Variants in PTCHD4 observed in about 807,000 individuals in gnomAD.
The protein encoded by PTCHD4 is patched domain containing 4.
Under a neutral mutation model 58.1 loss-of-function variants are expected in PTCHD4, and 33 were observed. The observed-to-expected ratio is 0.57, with a 90% CI of 0.43 to 0.76. PTCHD4 has a LOEUF of 0.76. Among genes scored for constraint, PTCHD4 ranks in the 30% least tolerant of loss-of-function variants. The probability of loss-of-function intolerance (pLI) is 0.00; values close to 1 mark genes in which losing one functional copy is unlikely to be tolerated. For synonymous variants in PTCHD4, 478 were observed against 409.6 expected (o/e 1.17, Z -2.02); for missense variants, 1,058 against 1,027.1 (o/e 1.03, Z -0.41).
intron 1 of PTCHD4, among the ~76,000 whole-genome samples, chr6:48,108,661 A>G (rs1194082096): frequency 6.6e-6 from 1 of 151,926 alleles, no homozygotes; most frequent in Non-Finnish European, 1.5e-5. Flanking sequence ...CTTTCCCTCC[A>G]AGTTGATTCT....
At chr6:48,109,746 A>C (rs1014402653) in intron 1 of PTCHD4, among the ~76,000 whole-genome samples, 1 of 152,068 alleles carries the variant, frequency 6.6e-6, no homozygotes, top group Non-Finnish European at 1.5e-5. Flanking sequence ...ACCACAAATA[A>C]CCAGATTTTA....
rs1293621574 is a variant in PTCHD4 at position 48,044,195 on chromosome 6, G to A, written c.417+24035C>T. Among the ~76,000 whole-genome samples the A allele has an allele frequency of 2.0e-5, 3 of 151,790 alleles. No homozygotes were observed. In the East Asian group the frequency reaches 5.8e-4, roughly 29 times the overall value. Reference sequence around the variant, plus strand: ...TGAGCAATTTTTTTGCATGAAAGAGGAAGAATCTGACATTTTCTACTCCCT... The same window carrying A: ...TGAGCAATTTTTTTGCATGAAAGAGAAAGAATCTGACATTTTCTACTCCCT... On this transcript the variant is annotated intron_variant, in intron 3 of 4. Transcript: ENST00000339488.
At position 47,878,379 on chromosome 6, in the gene PTCHD4, C is replaced by T. The variant is rs769671626; in HGVS notation, c.2456G>A (p.Arg819His). The change falls in exon 5 of 5, where the codon CGT (arginine) becomes CAT (histidine). Residue 819 changes from arginine (R) to histidine (H), a missense_variant. Coordinates refer to ENST00000339488, the MANE Select transcript of PTCHD4 (RefSeq NM_001384253.1). ...TTCCTCTCTCTCCTTTCGCTTGGCACGTTTCTTTTTCTTGTGGTGCTTTTT... is the reference window on the plus strand; with the variant it reads ...TTCCTCTCTCTCCTTTCGCTTGGCATGTTTCTTTTTCTTGTGGTGCTTTTT... Reference protein sequence around the residue: ...PSKKHHKKKKRAKRKEREEIE... With the variant: ...PSKKHHKKKKHAKRKEREEIE... The T allele has an allele frequency of 5.0e-6, 8 of 1,612,414 alleles. No homozygotes were observed. Among genetic ancestry groups the T allele is most frequent in the Non-Finnish European group, 5.9e-6 (7 of 1,179,372 alleles).
rs550307277 is a variant in PTCHD4, at chr6:47,878,891, G to T, written c.1944C>A (p.Asp648Glu). Residue 648 changes from aspartate to glutamate, a missense_variant, in exon 5 of 5, where the codon GAC becomes GAA. By Grantham distance (45) the Asp-to-Glu change is conservative (BLOSUM62 2). Coordinates refer to ENST00000339488, the MANE Select transcript of PTCHD4 (RefSeq NM_001384253.1). ...GCACTGTGACAGACAAGCTGTAATG[G>T]TCCATGAAGACAAAGGAGGGGTTGA... ...IVFNPSFVFM[D>E]HYSLSVTVPV... 5 of 1,613,634 alleles carry T rather than the reference G, an allele frequency of 3.1e-6. No homozygotes were observed. The highest frequency in any genetic ancestry group is 4.5e-5 in the East Asian group (2 of 44,858).
intron 3 of PTCHD4, among the ~76,000 whole-genome samples, chr6:48,061,501 C>T (rs528226409): frequency 6.6e-6 from 1 of 152,114 alleles, no homozygotes; most frequent in Non-Finnish European, 1.5e-5. Flanking sequence ...ATTAGGAGTG[C>T]TGAGGTCAAC....
chr6:47,917,779 A>G (rs1765305616), intron 4 of PTCHD4, among the ~76,000 whole-genome samples: 5 of 152,186 alleles, frequency 3.3e-5, no homozygotes, highest in African/African-American at 1.2e-4. Context: ...CATACCTGCA[A>G]TTTATTTCTA....
chr6:48,030,267 C>T (rs1014601055), intron 3 of PTCHD4, among the ~76,000 whole-genome samples: 2 of 151,942 alleles, frequency 1.3e-5, no homozygotes, highest in Admixed American at 6.6e-5. Flanking sequence ...TTGATAGAAA[C>T]AAGGGTGACT....
At chr6:48,048,018 TAAA>T (rs34442679) in intron 3 of PTCHD4, among the ~76,000 whole-genome samples, 27,832 of 127,698 alleles carry the variant, frequency 0.22, 3,132 homozygotes, top group African/African-American at 0.32. Flanking sequence ...AGCATTCTAG[TAAA>T]AAAAAAAAAA....
chr6:47,927,705 A>T (rs1765669986), intron 4 of PTCHD4, among the ~76,000 whole-genome samples: 1 of 152,112 alleles, frequency 6.6e-6, no homozygotes, highest in African/African-American at 2.4e-5. Flanking sequence ...CTATTTTTAA[A>T]TATGAGAATA....
At chr6:48,038,562 C>A (rs1405564765) in intron 3 of PTCHD4, among the ~76,000 whole-genome samples, 5 of 151,466 alleles carry the variant, frequency 3.3e-5, no homozygotes, top group Non-Finnish European at 7.4e-5. Context: ...ATCGCTTGAA[C>A]CCGGGAGACA....
chr6:47,902,788 T>C (rs550543397), intron 4 of PTCHD4, among the ~76,000 whole-genome samples: 2 of 152,320 alleles, frequency 1.3e-5, no homozygotes, highest in African/African-American at 4.8e-5. Flanking sequence ...AAATAACCCA[T>C]GTACACTTTT....
At chr6:48,096,473 G>T (rs758796036) in intron 1 of PTCHD4, among the ~76,000 whole-genome samples, 1 of 152,110 alleles carries the variant, frequency 6.6e-6, no homozygotes, top group Admixed American at 6.5e-5. Context: ...TTAGCTGGGC[G>T]TGGTGGCGGG....
intron 4 of PTCHD4, among the ~76,000 whole-genome samples, chr6:47,903,596 T>C (rs955495249): frequency 2.0e-5 from 3 of 152,174 alleles, no homozygotes; most frequent in Non-Finnish European, 2.9e-5. Flanking sequence ...ATTACTGGTA[T>C]AAGCAACCAT....
At chr6:47,927,076 A>G (rs1308219738) in intron 4 of PTCHD4, among the ~76,000 whole-genome samples, 2 of 152,144 alleles carry the variant, frequency 1.3e-5, no homozygotes. Flanking sequence ...TTCTCATGGG[A>G]CTGGGGATCC....
chr6:48,101,008 A>G (rs537968091), intron 1 of PTCHD4, among the ~76,000 whole-genome samples: 1 of 152,260 alleles, frequency 6.6e-6, no homozygotes, highest in South Asian at 2.1e-4. Context: ...ATGGAGGTAT[A>G]AATTTTTCTA....
At position 48,068,470 on chromosome 6, in the gene PTCHD4, G is replaced by A. The variant is rs770925596; in HGVS notation, c.177C>T (p.Asn59=). The A allele has an allele frequency of 3.7e-6, 6 of 1,613,732 alleles. No individual in the cohort carries two copies. The South Asian group carries it at 6.6e-5, about 18-fold the overall frequency. The change falls in exon 3 of 5, where the codon AAC becomes AAT. Residue 59 remains asparagine, a synonymous_variant. Coordinates refer to ENST00000339488, the MANE Select transcript of PTCHD4 (RefSeq NM_001384253.1). This position sits in a 1 kb window ranked among gnomAD's most constrained non-coding sequence, Gnocchi z 4.2. ...LTITFGLSAL[N]RFQPEGDLER... ...CCAGGTCGCCCTCGGGCTGGAAGCG[G>A]TTGAGCGCGCTGAGGCCGAAGGTGA...
In PTCHD4 at chr6:47,944,052, A is replaced by G. The variant is rs80351771; in HGVS notation, c.899-64116T>C. Among the ~76,000 whole-genome samples the G allele has an allele frequency of 3.3e-4, 51 of 152,240 alleles. 1 individual carries two copies. In the East Asian group the frequency reaches 8.5e-3, roughly 25 times the overall value. On this transcript the variant is annotated intron_variant, in intron 4 of 4. Coordinates refer to ENST00000339488, the MANE Select transcript of PTCHD4 (RefSeq NM_001384253.1). ...TTCAGAGAGGGAATGGCAGACTGGT[A>G]GCAATAAATAAAATCAGAGGGCAGA...
chr6:48,107,984 C>G (rs1408502407), intron 1 of PTCHD4, among the ~76,000 whole-genome samples: 1 of 152,096 alleles, frequency 6.6e-6, no homozygotes, highest in Non-Finnish European at 1.5e-5. Flanking sequence ...GAAATAGGAA[C>G]ACTTTTACAC....
chr6:47,875,647 G>A lies in PTCHD4; in HGVS notation c.*2656C>T, dbSNP rs543574714. Reference sequence around the variant, plus strand: ...CAATGAGAAATTCATATTTATCTTAGACACTTTGATCCTTGAAGACATAAA... The same window carrying A: ...CAATGAGAAATTCATATTTATCTTAAACACTTTGATCCTTGAAGACATAAA... On this transcript the variant is annotated 3_prime_UTR_variant, in exon 5 of 5. Coordinates refer to ENST00000339488, the MANE Select transcript of PTCHD4 (RefSeq NM_001384253.1). Among the ~76,000 whole-genome samples the A allele has an allele frequency of 3.3e-5, 5 of 151,884 alleles. No individual in the cohort carries two copies. The highest frequency in any genetic ancestry group is 5.9e-5 in the Non-Finnish European group (4 of 67,854).
Sources: allele counts gnomAD v4.1 joint callset (sites outside exome capture counted in the v4.1 genomes callset), GRCh38; gene constraint gnomAD v4.1.1; non-coding constraint Gnocchi (gnomAD v3.1); transcripts MANE v1.5; gene names NCBI Gene and HGNC (gene_info 2026-07-23, HGNC 2026-07-21).